REV3L: variants seen among roughly 807,000 people sequenced by gnomAD.
REV3L encodes the protein DNA polymerase zeta catalytic subunit.
REV3L carries 69 observed loss-of-function variants against 299.4 expected under a neutral mutation model. The observed-to-expected ratio is 0.23, with a 90% CI of 0.19 to 0.28. The LOEUF (loss-of-function observed/expected upper bound fraction) is 0.28, where lower values mean the gene tolerates loss of function less well. Ranked by LOEUF, REV3L falls within the 10% of genes least tolerant of loss-of-function variation. REV3L has a pLI of 1.00. For synonymous variants in REV3L, 1,238 were observed against 1,271.4 expected (o/e 0.97, Z 0.56); for missense variants, 3,128 against 3,693.8 (o/e 0.85, Z 3.97).
At chr6:111,444,258 AT>A (rs1412654837) in intron 1 of REV3L, among the ~76,000 whole-genome samples, 2 of 152,206 alleles carry the variant, frequency 1.3e-5, no homozygotes, top group Admixed American at 1.3e-4. Context: ...GTAGGGTTAG[AT>A]TTCCAAAATC....
chr6:111,331,617 T>C, intron 24 of REV3L, 59 bp downstream of exon 24: 1 of 1,184,356 alleles, frequency 8.4e-7, no homozygotes, highest in Non-Finnish European at 1.2e-6. Flanking sequence ...TCTAAACCAT[T>C]ATCAGCTCTC....
At chr6:111,432,467 A>G (rs537729629) in intron 1 of REV3L, among the ~76,000 whole-genome samples, 1 of 152,364 alleles carries the variant, frequency 6.6e-6, no homozygotes, top group Admixed American at 6.5e-5. Context: ...GAGGGTCACT[A>G]TGTATTGATA....
At chr6:111,465,665 G>A (rs1403425819) in intron 1 of REV3L, among the ~76,000 whole-genome samples, 3 of 147,346 alleles carry the variant, frequency 2.0e-5, no homozygotes, top group South Asian at 2.2e-4. Flanking sequence ...CCAGGGAGGC[G>A]GAGGTTGCAG....
In REV3L at chr6:111,374,137, G is replaced by A. The variant is rs2115074878; in HGVS notation, c.4218C>T (p.Ser1406=). The A allele has an allele frequency of 6.2e-7, 1 of 1,613,948 alleles. No homozygotes were observed. The highest frequency in any genetic ancestry group is 8.5e-7 in the Non-Finnish European group (1 of 1,179,944). ...SIGKLSEYRN[S]LESKLDQAYT... ...ATGCTTGGTCCAGCTTTGATTCTAG[G>A]GAATTGCGATATTCACTTAACTTTC... is the stretch of plus-strand genomic sequence containing the variant. Residue 1406 remains serine (S), a synonymous_variant, in exon 13 of 32, where the codon TCC becomes TCT. Transcript: ENST00000368802.
chr6:111,420,559 GACA>G (rs1164640204), intron 1 of REV3L, among the ~76,000 whole-genome samples: 1 of 152,144 alleles, frequency 6.6e-6, no homozygotes, highest in Non-Finnish European at 1.5e-5. Flanking sequence ...ACTGAAGTTA[GACA>G]ACAAGTCCAA....
chr6:111,330,013 C>T (rs1277266120), intron 24 of REV3L, among the ~76,000 whole-genome samples: 1 of 152,206 alleles, frequency 6.6e-6, no homozygotes, highest in Non-Finnish European at 1.5e-5. Flanking sequence ...TCAACTAGTG[C>T]ATAAGTGACC....
Position 111,374,536 on chromosome 6 carries a change from A to G in REV3L, c.3819T>C (p.Ala1273=), listed in dbSNP as rs767728199. 6 of 1,613,970 alleles carry G rather than the reference A, an allele frequency of 3.7e-6. No homozygotes were observed. In the African/African-American group the frequency reaches 8.0e-5, roughly 22 times the overall value. The change falls in exon 13 of 32, where the codon GCT becomes GCC. Residue 1273 remains alanine (A), a synonymous_variant. Transcript: ENST00000368802. ...KQKDMPLMGS[A]VDHPLSASLP... ...GGGAAGCAGAAAGGGGATGATCTAC[A>G]GCAGAGCCCATTAGTGGCATATCTT...
At chr6:111,349,087 C>A in intron 20 of REV3L, 131 bp downstream of exon 20, 1 of 543,232 alleles carries the variant, frequency 1.8e-6, no homozygotes, top group Non-Finnish European at 3.2e-6. Flanking sequence ...TATTTTAACT[C>A]TACTTAAGTA....
intron 18 of REV3L, chr6:111,354,034 C>CA (rs1246141702): frequency 1.3e-5 from 2 of 152,218 alleles, no homozygotes; most frequent in African/African-American, 4.8e-5. Flanking sequence ...GCTAAGTACT[C>CA]AGAGTGGCTC....
At chr6:111,343,795 G>C in intron 21 of REV3L, 130 bp downstream of exon 21, 1 of 559,630 alleles carries the variant, frequency 1.8e-6, no homozygotes, top group Non-Finnish European at 2.9e-6. Context: ...CTCCCAATGT[G>C]CTAGGATTAC....
chr6:111,334,449 G>T (rs1775712224), intron 22 of REV3L, among the ~76,000 whole-genome samples: 1 of 152,088 alleles, frequency 6.6e-6, no homozygotes, highest in Admixed American at 6.5e-5. Context: ...GAATTATAAA[G>T]TATTGAATGT....
rs571180050 is a variant in REV3L, at chr6:111,316,381, T to G, written c.8352-1000A>C. 1.1e-4 allele frequency among the ~76,000 whole-genome samples: 17 copies of G among 151,844 alleles called. No homozygotes were observed. The East Asian group carries it at 3.3e-3, about 29-fold the overall frequency. ...CACTCAACTTAAAAAAGAAAGACAT[T>G]GGCTGGGTGCGGTGGCTCACACCTG... is the stretch of plus-strand genomic sequence containing the variant. On this transcript the variant is annotated intron_variant, in intron 26 of 31. Coordinates refer to ENST00000368802, the MANE Select transcript of REV3L (RefSeq NM_001372078.1).
At chr6:111,330,913 G>T in intron 24 of REV3L, 1 of 855,616 alleles carries the variant, frequency 1.2e-6, no homozygotes, top group Non-Finnish European at 1.4e-6. Context: ...CATCTACATG[G>T]CTAATTTTAG....
Position 111,374,819 on chromosome 6 carries a change from G to A in REV3L, c.3536C>T (p.Ala1179Val). Reference sequence around the variant, plus strand: ...AACTATAGAGGGATTAGCAAGCTTTGCTTTTGATTTCTTAATCTGTGCTCT... The same window carrying A: ...AACTATAGAGGGATTAGCAAGCTTTACTTTTGATTTCTTAATCTGTGCTCT... ...RARAQIKKSK[A>V]KLANPSIVTK... Residue 1179 changes from alanine to valine, a missense_variant, in exon 13 of 32, where the codon GCA (alanine) becomes GTA (valine). Around this residue, in one of 9 missense-constraint regions of REV3L, gnomAD observed 2,409 missense variants for 2,611.8 expected, o/e 0.92. Coordinates refer to ENST00000368802, the MANE Select transcript of REV3L (RefSeq NM_001372078.1). 2 of 1,612,968 alleles carry A rather than the reference G, an allele frequency of 1.2e-6. No homozygotes were observed. Among genetic ancestry groups the A allele is most frequent in the Non-Finnish European group, 1.7e-6 (2 of 1,179,716 alleles).
chr6:111,482,949 C>G lies in REV3L; in HGVS notation c.-61G>C. 1 of 1,453,218 alleles carries G rather than the reference C, an allele frequency of 6.9e-7. No homozygotes were observed. The highest frequency in any genetic ancestry group is 9.0e-7 in the Non-Finnish European group (1 of 1,109,854). The allele number at this position is 1,453,218 out of a possible 1,614,324, so 90.0% of individuals were successfully genotyped here. A position where few individuals can be genotyped will look rare whatever the true frequency, so the allele number is the denominator to read the frequency against. On this transcript the variant is annotated 5_prime_UTR_variant, in exon 1 of 32. Transcript: ENST00000368802. ...GACCCGGCAGCGGCAGCAGCAGCGG[C>G]GGCGGCTCCCTCCGCAGCGGCGGCG...
intron 26 of REV3L, among the ~76,000 whole-genome samples, chr6:111,321,458 A>G (rs1156481092): frequency 2.6e-5 from 4 of 152,218 alleles, no homozygotes; most frequent in African/African-American, 9.6e-5. Context: ...AACTTATTTT[A>G]GTAACTCTTA....
chr6:111,429,052 T>C (rs1208569111), intron 1 of REV3L, among the ~76,000 whole-genome samples: 2 of 152,176 alleles, frequency 1.3e-5, no homozygotes, highest in African/African-American at 2.4e-5. Flanking sequence ...AGAGAAACTA[T>C]AAAGGCCAGG....
chr6:111,345,663 C>T (rs1396838996), intron 20 of REV3L, among the ~76,000 whole-genome samples: 2 of 152,164 alleles, frequency 1.3e-5, no homozygotes, highest in Admixed American at 1.3e-4. Context: ...GCTTACTCCC[C>T]TTGATGCTCT....
At chr6:111,304,305 A>G (rs917059367) in intron 31 of REV3L, among the ~76,000 whole-genome samples, 4 of 150,608 alleles carry the variant, frequency 2.7e-5, no homozygotes, top group Non-Finnish European at 4.4e-5. Flanking sequence ...CTTAAGAAGT[A>G]CATTTTTTGG....
Sources: gnomAD v4.1 joint callset for allele counts (sites outside exome capture counted in the v4.1 genomes callset) on GRCh38, gnomAD v4.1.1 for gene constraint, gnomAD v4.1.1 regional missense constraint, MANE v1.5 for transcripts, NCBI Gene and HGNC (gene_info 2026-07-23, HGNC 2026-07-21) for gene names.